KASH5: variants seen among roughly 807,000 people sequenced by gnomAD.
The protein encoded by KASH5 is KASH domain containing 5.
Under a neutral mutation model 84.2 loss-of-function variants are expected in KASH5, and 72 were observed. The ratio of observed to expected loss-of-function variants is 0.85; its 90% CI spans 0.71 to 1.04. KASH5 has a LOEUF of 1.04. Among genes scored for constraint, KASH5 ranks in the 50% least tolerant of loss-of-function variants. The pLI is 0.00. For missense variants in KASH5, 650 were observed against 701.0 expected (o/e 0.93, Z 0.82); for synonymous variants, 260 against 279.1 (o/e 0.93, Z 0.68).
At position 49,417,548 on chromosome 19, in the gene KASH5, A is replaced by G. The variant is rs17206868; in HGVS notation, c.*38A>G. The G allele has an allele frequency of 0.24, 350,940 of 1,479,614 alleles. 43,718 individuals are homozygous for G. The highest frequency in any genetic ancestry group is 0.25 in the Non-Finnish European group (281,760 of 1,109,302). The allele number at this position is 1,479,614 out of a possible 1,614,324, so 91.7% of individuals were successfully genotyped here. On this transcript the variant is annotated 3_prime_UTR_variant, in exon 20 of 20. Coordinates refer to ENST00000447857, the MANE Select transcript of KASH5 (RefSeq NM_144688.5). This position sits in a 1 kb window ranked among gnomAD's most constrained non-coding sequence, Gnocchi z 5.2. ...GCCCCTCAGAGCAGTGTCTAGCTCA[A>G]TAAATCCCCTGGCCCTCTCTCCACT... is the stretch of plus-strand genomic sequence containing the variant.
chr19:49,409,268 C>A lies in KASH5; in HGVS notation c.1131C>A (p.Ile377=), dbSNP rs370844755. ...ELLPPSLGLE[I]EAIRQKQEVA... is the part of the protein sequence containing the mutation. ...TACCCCCATCGCTGGGCTTGGAGAT[C>A]GAGGCCATTCGACAGGTGGGCCTAA... is the stretch of plus-strand genomic sequence containing the variant. The change falls in exon 14 of 20, where the codon ATC becomes ATA. Residue 377 remains isoleucine (I), a synonymous_variant. Transcript: ENST00000447857. 1 of 1,613,678 alleles carries A rather than the reference C, an allele frequency of 6.2e-7. No homozygotes were observed. The highest frequency in any genetic ancestry group is 1.7e-5 in the Admixed American group (1 of 59,984).
At chr19:49,393,564 C>T (rs1043784714) in intron 2 of KASH5, 1 of 152,354 alleles carries the variant, frequency 6.6e-6, no homozygotes, top group East Asian at 1.9e-4. Flanking sequence ...GGGAGAGAGG[C>T]TGGGCCAGCC....
At position 49,417,441 on chromosome 19, in the gene KASH5, G is replaced by A. The variant is rs926193746; in HGVS notation, c.1620G>A (p.Leu540=). Residue 540 remains leucine, a synonymous_variant, in exon 20 of 20, where the codon CTG becomes CTA. Coordinates refer to ENST00000447857, the MANE Select transcript of KASH5 (RefSeq NM_144688.5). The surrounding 1 kb of genome is among the most constrained non-coding windows in gnomAD (Gnocchi z 5.2). ...TGCTGCTGCTGCTCTCTGTCCTGCT[G>A]CTTGGCCCGTCCCCACCTCCCACCT... ...LLLLLLLSVL[L]LGPSPPPTWP... is the part of the protein sequence containing the mutation. The A allele has an allele frequency of 6.4e-7, 1 of 1,555,642 alleles. No individual in the cohort carries two copies.
At chr19:49,404,319 G>A (rs76241963) in intron 9 of KASH5, among the ~76,000 whole-genome samples, 1,597 of 152,300 alleles carry the variant, frequency 0.01, 29 homozygotes, top group African/African-American at 0.036. Context: ...TGACCACCTC[G>A]CTTTGAAACC....
At chr19:49,394,910 G>A (rs963092859) in intron 3 of KASH5, 196 bp from the exon 4 acceptor site, 20 of 591,950 alleles carry the variant, frequency 3.4e-5, no homozygotes, top group Non-Finnish European at 5.4e-5. Context: ...TGTGATGGGG[G>A]GATGACTGGG....
chr19:49,396,262 T>C (rs1301541243), intron 5 of KASH5, among the ~76,000 whole-genome samples: 1 of 93,826 alleles, frequency 1.1e-5, no homozygotes, highest in Non-Finnish European at 2.3e-5. Context: ...TTTTTTTTTT[T>C]TTTTTTTTGA....
intron 10 of KASH5, 108 bp downstream of exon 10, chr19:49,407,071 C>A: frequency 7.6e-7 from 1 of 1,308,178 alleles, no homozygotes; most frequent in South Asian, 1.3e-5. Flanking sequence ...TTCCATCAAG[C>A]TGTCAGGCTC....
At position 49,409,303 on chromosome 19, in the gene KASH5, A is replaced by C. The variant is rs774623773; in HGVS notation, c.1146+20A>C. The C allele has an allele frequency of 6.2e-7, 1 of 1,610,750 alleles. No individual in the cohort carries two copies. Among genetic ancestry groups the C allele is most frequent in the East Asian group, 2.2e-5 (1 of 44,824 alleles). ...CGACAGGTGGGCCTAACACCCCTGG[A>C]ATAAGCTGCAGGCCACCAAGGCAGA... On this transcript the variant is annotated intron_variant, in intron 14 of 19. Coordinates refer to ENST00000447857, the MANE Select transcript of KASH5 (RefSeq NM_144688.5).
intron 13 of KASH5, 71 bp from the exon 14 acceptor site, chr19:49,409,124 AG>A: frequency 6.3e-7 from 1 of 1,591,478 alleles, no homozygotes; most frequent in Non-Finnish European, 8.6e-7. Context: ...CAGGGAAGGG[AG>A]GCCAGCATGA....
chr19:49,412,980 G>A lies in KASH5; in HGVS notation c.1282G>A (p.Gly428Arg). ...APAGGQRNFQGEPAHPEEGRK... is the reference protein window; with the variant it reads ...APAGGQRNFQREPAHPEEGRK... ...TTTGTTTCCACAGAGAAACTTCCAG[G>A]GAGAGCCAGCGCACCCTGAAGAAGG... Residue 428 changes from glycine (G) to arginine (R), a missense_variant, in exon 16 of 20, where the codon GGA (glycine) becomes AGA (arginine). By Grantham distance (125) the Gly-to-Arg change is moderately radical (BLOSUM62 -2). Coordinates refer to ENST00000447857, the MANE Select transcript of KASH5 (RefSeq NM_144688.5). This position sits in a 1 kb window ranked among gnomAD's most constrained non-coding sequence, Gnocchi z 4.6. The A allele has an allele frequency of 6.2e-7, 1 of 1,613,772 alleles. No individual in the cohort carries two copies. The highest frequency in any genetic ancestry group is 8.5e-7 in the Non-Finnish European group (1 of 1,179,852).
intron 7 of KASH5, among the ~76,000 whole-genome samples, chr19:49,398,786 T>C (rs1389869876): frequency 6.6e-6 from 1 of 152,164 alleles, no homozygotes; most frequent in Non-Finnish European, 1.5e-5. Context: ...TCCCCCACTC[T>C]CTCTAGGTCT....
At position 49,412,186 on chromosome 19, in the gene KASH5, G is replaced by A. The variant is rs1375832100; in HGVS notation, c.1270-782G>A. Among the ~76,000 whole-genome samples the A allele has an allele frequency of 6.6e-6, 1 of 152,144 alleles. No individual in the cohort carries two copies. Among genetic ancestry groups the A allele is most frequent in the Non-Finnish European group, 1.5e-5 (1 of 68,026 alleles). On this transcript the variant is annotated intron_variant, in intron 15 of 19. Coordinates refer to ENST00000447857, the MANE Select transcript of KASH5 (RefSeq NM_144688.5). The surrounding 1 kb of genome is among the most constrained non-coding windows in gnomAD (Gnocchi z 4.6). Reference sequence around the variant, plus strand: ...GTGGGGTCAGCTCCGGGCTTAAAAAGATCCCTCTGGAACCATGTGAGGGAC... The same window carrying A: ...GTGGGGTCAGCTCCGGGCTTAAAAAAATCCCTCTGGAACCATGTGAGGGAC...
At chr19:49,410,373 T>C (rs1049481390) in intron 15 of KASH5, among the ~76,000 whole-genome samples, 21 of 152,174 alleles carry the variant, frequency 1.4e-4, no homozygotes, top group Non-Finnish European at 2.8e-4. Flanking sequence ...CTTATTCTGT[T>C]GCCAAGGCTG....
intron 9 of KASH5, among the ~76,000 whole-genome samples, chr19:49,406,425 G>A (rs1974527839): frequency 1.3e-5 from 2 of 152,162 alleles, no homozygotes; most frequent in Admixed American, 6.5e-5. Context: ...CGCCCAGGCT[G>A]GAGTGCAGTG....
chr19:49,417,254 C>A lies in KASH5; in HGVS notation c.1535C>A (p.Pro512Gln), dbSNP rs781181219. The change falls in exon 19 of 20, where the codon CCA becomes CAA. Residue 512 changes from proline to glutamine, a missense_variant. Coordinates refer to ENST00000447857, the MANE Select transcript of KASH5 (RefSeq NM_144688.5). This position sits in a 1 kb window ranked among gnomAD's most constrained non-coding sequence, Gnocchi z 5.2. ...RRAWGQLCLP[P>Q]QRLRVTRHPL... ...GCCTGGGGCCAGCTCTGCCTGCCCC[C>A]ACAGCGGCTCAGGTGTGCCCCCAGG... 10 of 1,612,832 alleles carry A rather than the reference C, an allele frequency of 6.2e-6. No homozygotes were observed. In the South Asian group the frequency reaches 9.9e-5, roughly 16 times the overall value.
rs909309615 is a variant in KASH5 at position 49,416,647 on chromosome 19, C to T, written c.1375-368C>T. On this transcript the variant is annotated intron_variant, in intron 17 of 19. Transcript: ENST00000447857. The surrounding 1 kb of genome is among the most constrained non-coding windows in gnomAD (Gnocchi z 5.4). Reference sequence around the variant, plus strand: ...GATACTTCCAGAATCCAATGGAAAACGGAGGTGATGATATTGAATAGCTCA... The same window carrying T: ...GATACTTCCAGAATCCAATGGAAAATGGAGGTGATGATATTGAATAGCTCA... Among the ~76,000 whole-genome samples, 3 of 152,134 alleles carry T rather than the reference C, an allele frequency of 2.0e-5. No individual in the cohort carries two copies. The highest frequency in any genetic ancestry group is 2.9e-5 in the Non-Finnish European group (2 of 68,044).
At chr19:49,398,806 T>A (rs10415587) in intron 7 of KASH5, among the ~76,000 whole-genome samples, 9 of 151,938 alleles carry the variant, frequency 5.9e-5, no homozygotes, top group Admixed American at 2.0e-4. Context: ...TCTTTCCCAC[T>A]TCCTCAGTCT....
chr19:49,409,300 T>C lies in KASH5; in HGVS notation c.1146+17T>C. On this transcript the variant is annotated intron_variant, in intron 14 of 19. Coordinates refer to ENST00000447857, the MANE Select transcript of KASH5 (RefSeq NM_144688.5). Reference sequence around the variant, plus strand: ...ATTCGACAGGTGGGCCTAACACCCCTGGAATAAGCTGCAGGCCACCAAGGC... The same window carrying C: ...ATTCGACAGGTGGGCCTAACACCCCCGGAATAAGCTGCAGGCCACCAAGGC... 6.2e-7 allele frequency: 1 copy of C among 1,611,232 alleles called. No homozygotes were observed. The highest frequency in any genetic ancestry group is 2.2e-5 in the East Asian group (1 of 44,838).
intron 15 of KASH5, among the ~76,000 whole-genome samples, chr19:49,410,578 G>C (rs1010719975): frequency 1.3e-5 from 2 of 150,876 alleles, no homozygotes; most frequent in African/African-American, 4.9e-5. Flanking sequence ...CCACCTCCCA[G>C]GTTCAAGCAG....
Sources: gnomAD v4.1 joint callset for allele counts (sites outside exome capture counted in the v4.1 genomes callset) on GRCh38, gnomAD v4.1.1 for gene constraint, Gnocchi (gnomAD v3.1) non-coding constraint, MANE v1.5 for transcripts, NCBI Gene and HGNC (gene_info 2026-07-23, HGNC 2026-07-21) for gene names.